Variants in ADAMTSL1 observed in about 807,000 individuals in gnomAD.
ADAMTSL1 encodes the protein ADAMTS-like protein 1.
A neutral mutation model predicts 201.8 loss-of-function variants in ADAMTSL1; 126 were observed. That is an observed-to-expected ratio of 0.62 (90% CI 0.54 to 0.72). ADAMTSL1 has a LOEUF of 0.72. Among genes scored for constraint, ADAMTSL1 ranks in the 30% least tolerant of loss-of-function variants. The probability of loss-of-function intolerance (pLI) is 0.00; values close to 1 mark genes in which losing one functional copy is unlikely to be tolerated. For synonymous variants in ADAMTSL1, 1,121 were observed against 903.4 expected, an observed-to-expected ratio of 1.24 and a Z score of -4.32; for missense variants, 2,679 against 2,277.8, an observed-to-expected ratio of 1.18 and a Z score of -3.59.
chr9:18,164,375 C>G (rs1409844650), intron 2 of ADAMTSL1, among the ~76,000 whole-genome samples: 1 of 151,810 alleles, frequency 6.6e-6, no homozygotes, highest in Admixed American at 6.6e-5. Flanking sequence ...TCTTCCAATC[C>G]TGGCTTCTTT....
chr9:18,140,112 A>C (rs889803448), intron 1 of ADAMTSL1, among the ~76,000 whole-genome samples: 2 of 152,198 alleles, frequency 1.3e-5, no homozygotes, highest in African/African-American at 2.4e-5. Flanking sequence ...CTGGGGATGC[A>C]AAGCTAAGCA....
chr9:18,134,568 AT>A (rs1373742434), intron 1 of ADAMTSL1, among the ~76,000 whole-genome samples: 1 of 152,156 alleles, frequency 6.6e-6, no homozygotes, highest in African/African-American at 2.4e-5. Context: ...ACATTTACAA[AT>A]TCTTCCCATA....
At chr9:18,578,973 T>G (rs961464234) in intron 4 of ADAMTSL1, among the ~76,000 whole-genome samples, 1 of 151,712 alleles carries the variant, frequency 6.6e-6, no homozygotes, top group Non-Finnish European at 1.5e-5. Context: ...ATTTCTCTGA[T>G]GGCCAGTGAT....
chr9:18,315,051 C>T (rs977149757), intron 2 of ADAMTSL1, among the ~76,000 whole-genome samples: 1 of 151,884 alleles, frequency 6.6e-6, no homozygotes, highest in Non-Finnish European at 1.5e-5. Flanking sequence ...CCGCCTCGGC[C>T]TCCCAAAGCA....
intron 2 of ADAMTSL1, among the ~76,000 whole-genome samples, chr9:18,201,480 T>G (rs2132275317): frequency 6.6e-6 from 1 of 152,274 alleles, no homozygotes; most frequent in Non-Finnish European, 1.5e-5. Context: ...TTGCCATATA[T>G]TCTTGGAAAG....
chr9:18,209,839 A>G (rs760756590), intron 2 of ADAMTSL1, among the ~76,000 whole-genome samples: 3 of 152,110 alleles, frequency 2.0e-5, no homozygotes, highest in Non-Finnish European at 4.4e-5. Context: ...AGTAGTACCT[A>G]TACCAGCTTG....
chr9:18,012,710 G>T (rs1020983107), intron 1 of ADAMTSL1, among the ~76,000 whole-genome samples: 1 of 152,038 alleles, frequency 6.6e-6, no homozygotes, highest in African/African-American at 2.4e-5. Context: ...TCTCCCAGGA[G>T]ATGGGGAGTC....
intron 2 of ADAMTSL1, among the ~76,000 whole-genome samples, chr9:18,381,345 C>T (rs2133181237): frequency 6.6e-6 from 1 of 152,180 alleles, no homozygotes; most frequent in African/African-American, 2.4e-5. Context: ...TATTGAATAC[C>T]TACTTTGTCC....
intron 1 of ADAMTSL1, among the ~76,000 whole-genome samples, chr9:18,006,816 G>A (rs1332046425): frequency 2.0e-5 from 3 of 151,914 alleles, no homozygotes; most frequent in African/African-American, 7.2e-5. Context: ...CCTCATTTGG[G>A]ACTTAAGTAC....
chr9:18,156,650 A>ACACG (rs769836904), intron 1 of ADAMTSL1, among the ~76,000 whole-genome samples: 14 of 151,936 alleles, frequency 9.2e-5, no homozygotes, highest in Middle Eastern at 3.4e-3. Flanking sequence ...ACACACACAC[A>ACACG]CACACACACA....
chr9:18,095,584 G>T (rs201688683), intron 1 of ADAMTSL1, among the ~76,000 whole-genome samples: 8 of 151,750 alleles, frequency 5.3e-5, no homozygotes, highest in Non-Finnish European at 1.0e-4. Flanking sequence ...CACCACGCCC[G>T]GCTAATTTTT....
chr9:18,474,756 G>A (rs2131768037), intron 1 of ADAMTSL1, among the ~76,000 whole-genome samples: 1 of 152,292 alleles, frequency 6.6e-6, no homozygotes, highest in East Asian at 1.9e-4. Flanking sequence ...ATGGAACCAG[G>A]TAAAGAGGGG....
chr9:18,869,713 G>C (rs745876644), intron 23 of ADAMTSL1, among the ~76,000 whole-genome samples: 3 of 152,058 alleles, frequency 2.0e-5, no homozygotes, highest in Non-Finnish European at 2.9e-5. Flanking sequence ...CTTACATGTA[G>C]TCTAGCTTTT....
chr9:18,260,566 A>T (rs1831878620), intron 2 of ADAMTSL1, among the ~76,000 whole-genome samples: 1 of 152,130 alleles, frequency 6.6e-6, no homozygotes, highest in Non-Finnish European at 1.5e-5. Flanking sequence ...GGCCATCCCA[A>T]CCTGAGGAGA....
At chr9:18,045,217 C>T (rs915834740) in intron 1 of ADAMTSL1, among the ~76,000 whole-genome samples, 1 of 152,024 alleles carries the variant, frequency 6.6e-6, no homozygotes, top group African/African-American at 2.4e-5. Context: ...TATTACTTGC[C>T]AGAAAGTAGG....
At chr9:18,075,739 C>G (rs1416181008) in intron 1 of ADAMTSL1, among the ~76,000 whole-genome samples, 1 of 152,148 alleles carries the variant, frequency 6.6e-6, no homozygotes, top group Non-Finnish European at 1.5e-5. Flanking sequence ...GGCTGTGTAA[C>G]CCCAGAAGGA....
intron 1 of ADAMTSL1, among the ~76,000 whole-genome samples, chr9:17,963,073 G>C (rs982718195): frequency 6.6e-6 from 1 of 152,212 alleles, no homozygotes; most frequent in African/African-American, 2.4e-5. Context: ...ATGAGATTTA[G>C]AGGTTCATTT....
chr9:18,052,295 C>T (rs1821973954), intron 1 of ADAMTSL1, among the ~76,000 whole-genome samples: 1 of 152,174 alleles, frequency 6.6e-6, no homozygotes, highest in African/African-American at 2.4e-5. Context: ...TAGGTAAATG[C>T]CCTGAAGTGA....
intron 2 of ADAMTSL1, among the ~76,000 whole-genome samples, chr9:18,317,362 T>C (rs1024261885): frequency 1.3e-5 from 2 of 148,874 alleles, no homozygotes; most frequent in African/African-American, 5.1e-5. Flanking sequence ...TTACTTGAAA[T>C]TTGCTAAGAA....
Sources: allele counts gnomAD v4.1 joint callset (sites outside exome capture counted in the v4.1 genomes callset), GRCh38; gene constraint gnomAD v4.1.1; transcripts MANE v1.5; gene names NCBI Gene and HGNC (gene_info 2026-07-23, HGNC 2026-07-21).